FHIT: variants seen among roughly 807,000 people sequenced by gnomAD.
The protein encoded by FHIT is bis(5'-adenosyl)-triphosphatase.
Under a neutral mutation model 17.9 loss-of-function variants are expected in FHIT, and 19 were observed. The observed-to-expected ratio is 1.06, with a 90% CI of 0.74 to 1.56. The LOEUF (loss-of-function observed/expected upper bound fraction) is 1.56. FHIT is among the 40% of genes most tolerant of loss of function. FHIT has a pLI of 0.00. For missense variants in FHIT, 248 were observed against 189.2 expected (o/e 1.31, Z -1.82); for synonymous variants, 81 against 69.7 (o/e 1.16, Z -0.81).
intron 4 of FHIT, among the ~76,000 whole-genome samples, chr3:60,666,854 C>CTTTTA (rs2040392027): frequency 1.8e-5 from 1 of 54,984 alleles, no homozygotes; most frequent in African/African-American, 6.1e-5. Flanking sequence ...TTTCTTTTTT[C>CTTTTA]TTTTCTTTTC....
chr3:59,903,785 G>A (rs1704448430), intron 8 of FHIT, among the ~76,000 whole-genome samples: 1 of 152,144 alleles, frequency 6.6e-6, no homozygotes, highest in Non-Finnish European at 1.5e-5. Context: ...GCCATAAGGA[G>A]GCAATTCGAT....
chr3:59,880,347 G>A (rs1311538780), intron 8 of FHIT, among the ~76,000 whole-genome samples: 1 of 152,138 alleles, frequency 6.6e-6, no homozygotes, highest in Non-Finnish European at 1.5e-5. Context: ...CAAGGAACCT[G>A]CCTTGCCCTT....
intron 5 of FHIT, among the ~76,000 whole-genome samples, chr3:60,260,767 T>C (rs930217504): frequency 6.6e-6 from 1 of 151,960 alleles, no homozygotes; most frequent in Non-Finnish European, 1.5e-5. Flanking sequence ...AATCACCTGA[T>C]AAAACAAGAT....
rs548192819 is a variant in FHIT at position 60,214,288 on chromosome 3, A to G, written c.104-200136T>C. Among the ~76,000 whole-genome samples, 11 of 152,346 alleles carry G rather than the reference A, an allele frequency of 7.2e-5. No homozygotes were observed. The South Asian group carries it at 2.1e-3, about 29-fold the overall frequency. Reference sequence around the variant, plus strand: ...GAAATAGTTTCTAAATACAGATCCTAAACTTGCTGTCATTTAAATTTCAAC... The same window carrying G: ...GAAATAGTTTCTAAATACAGATCCTGAACTTGCTGTCATTTAAATTTCAAC... On this transcript the variant is annotated intron_variant, in intron 5 of 9. Transcript: ENST00000492590.
rs2107599673 is a variant in FHIT, at chr3:60,537,077, G to T, written c.-17-98C>A. On this transcript the variant is annotated intron_variant, in intron 4 of 9. Coordinates refer to ENST00000492590, the MANE Select transcript of FHIT (RefSeq NM_002012.4). ...CAAATTCCATTACTACAGATTCTTA[G>T]TTGCAGAGAGGATGCCATTGAAATT... 5 of 929,236 alleles carry T rather than the reference G, an allele frequency of 5.4e-6. No individual in the cohort carries two copies. In the East Asian group the frequency reaches 1.4e-4, roughly 27 times the overall value. 57.6% of individuals were successfully genotyped at this position (929,236 alleles called of 1,614,324 possible). A position where few individuals can be genotyped will look rare whatever the true frequency, so the allele number is the denominator to read the frequency against.
chr3:60,584,420 G>T (rs782182641), intron 4 of FHIT, among the ~76,000 whole-genome samples: 36 of 151,932 alleles, frequency 2.4e-4, no homozygotes, highest in Non-Finnish European at 3.8e-4. Flanking sequence ...GTGAGCTGCG[G>T]TGGCGGTGGC....
At chr3:60,011,583 A>G (rs1290821519) in intron 6 of FHIT, among the ~76,000 whole-genome samples, 183 bp from the exon 7 acceptor site, 1 of 149,122 alleles carries the variant, frequency 6.7e-6, no homozygotes, top group East Asian at 2.0e-4. Context: ...GCCTGAGAGT[A>G]AGTGCGAAGT....
intron 4 of FHIT, among the ~76,000 whole-genome samples, chr3:60,774,133 A>G (rs1434328173): frequency 6.6e-6 from 1 of 152,218 alleles, no homozygotes; most frequent in Non-Finnish European, 1.5e-5. Context: ...GCCTTATTCC[A>G]TTTGATACTT....
intron 5 of FHIT, among the ~76,000 whole-genome samples, chr3:60,249,472 C>G (rs1160515680): frequency 6.6e-6 from 1 of 152,044 alleles, no homozygotes; most frequent in South Asian, 2.1e-4. Context: ...AATCCCATCA[C>G]CCTGTTCATT....
At chr3:60,191,279 T>C (rs192156641) in intron 5 of FHIT, among the ~76,000 whole-genome samples, 6 of 152,286 alleles carry the variant, frequency 3.9e-5, no homozygotes, top group Admixed American at 1.3e-4. Context: ...ACACATGTTT[T>C]ATTAAAAGCT....
intron 5 of FHIT, among the ~76,000 whole-genome samples, chr3:60,022,899 C>T (rs757307257): frequency 2.0e-5 from 3 of 152,032 alleles, no homozygotes; most frequent in South Asian, 2.1e-4. Context: ...TCTCAGTAAC[C>T]GTTATGAAAA....
intron 5 of FHIT, among the ~76,000 whole-genome samples, chr3:60,148,925 G>C (rs748693558): frequency 6.6e-6 from 1 of 152,148 alleles, no homozygotes; most frequent in Non-Finnish European, 1.5e-5. Flanking sequence ...TTTCTTCCCT[G>C]TTGTGCTTAT....
chr3:60,189,297 AT>A (rs1011397109), intron 5 of FHIT, among the ~76,000 whole-genome samples: 1 of 152,066 alleles, frequency 6.6e-6, no homozygotes, highest in Non-Finnish European at 1.5e-5. Flanking sequence ...AGATCTCCGG[AT>A]TTTTTTGTAT....
chr3:60,099,209 C>T (rs114007838), intron 5 of FHIT, among the ~76,000 whole-genome samples: 2 of 152,252 alleles, frequency 1.3e-5, no homozygotes, highest in African/African-American at 4.8e-5. Context: ...CTCAAAGGCT[C>T]TCCCTTTGCT....
chr3:60,115,045 A>C (rs1450906600), intron 5 of FHIT, among the ~76,000 whole-genome samples: 2 of 152,208 alleles, frequency 1.3e-5, no homozygotes, highest in African/African-American at 2.4e-5. Flanking sequence ...AAAATTAATC[A>C]CATGCTTATT....
intron 4 of FHIT, among the ~76,000 whole-genome samples, chr3:60,544,211 C>T (rs1220751803): frequency 6.6e-6 from 1 of 151,604 alleles, no homozygotes; most frequent in East Asian, 1.9e-4. Context: ...GGATCCTTTT[C>T]TTGTTCCTGA....
intron 5 of FHIT, among the ~76,000 whole-genome samples, chr3:60,094,656 C>T (rs1703865435): frequency 6.6e-6 from 1 of 152,068 alleles, no homozygotes; most frequent in Non-Finnish European, 1.5e-5. Flanking sequence ...GAAGTGATGC[C>T]AAAGCCACAT....
chr3:60,604,593 G>A (rs766441434), intron 4 of FHIT, among the ~76,000 whole-genome samples: 1 of 152,104 alleles, frequency 6.6e-6, no homozygotes, highest in Non-Finnish European at 1.5e-5. Flanking sequence ...GCTCTGACCA[G>A]GTCACTGCAG....
intron 5 of FHIT, among the ~76,000 whole-genome samples, chr3:60,340,861 T>G (rs901598355): frequency 6.6e-6 from 1 of 152,064 alleles, no homozygotes. Context: ...CTGGCTAATT[T>G]TTGTATTTTT....
Sources: allele counts gnomAD v4.1 joint callset (sites outside exome capture counted in the v4.1 genomes callset), GRCh38; gene constraint gnomAD v4.1.1; transcripts MANE v1.5; gene names NCBI Gene and HGNC (gene_info 2026-07-23, HGNC 2026-07-21).